ZFPM1: variants seen among roughly 807,000 people sequenced by gnomAD.
ZFPM1 encodes zinc finger protein, FOG family member 1.
A neutral mutation model predicts 46.3 loss-of-function variants in ZFPM1; 28 were observed. The ratio of observed to expected loss-of-function variants is 0.60; its 90% CI spans 0.45 to 0.83. The LOEUF is 0.83. Among genes scored for constraint, ZFPM1 ranks in the 40% least tolerant of loss-of-function variants. The pLI is 0.00. For synonymous variants in ZFPM1, 957 were observed against 675.9 expected (o/e 1.42, Z -6.45); for missense variants, 1,878 against 1,432.4 (o/e 1.31, Z -5.02).
At chr16:88,517,975 C>T (rs1161688651) in intron 4 of ZFPM1, among the ~76,000 whole-genome samples, 2 of 151,668 alleles carry the variant, frequency 1.3e-5, no homozygotes, top group East Asian at 3.9e-4. Flanking sequence ...CTTTGGGAGG[C>T]CGAGGTGGGC....
chr16:88,475,421 C>T (rs941384395), intron 1 of ZFPM1, among the ~76,000 whole-genome samples: 67 of 152,068 alleles, frequency 4.4e-4, no homozygotes, highest in African/African-American at 1.3e-3. Flanking sequence ...GAAACTGAGG[C>T]CAGCAAGGGG....
In ZFPM1 at chr16:88,490,845, G is replaced by A. The variant is rs912143459; in HGVS notation, c.268+1692G>A. Among the ~76,000 whole-genome samples, 4 of 152,152 alleles carry A rather than the reference G, an allele frequency of 2.6e-5. No homozygotes were observed. In the South Asian group the frequency reaches 6.2e-4, roughly 24 times the overall value. On this transcript the variant is annotated intron_variant, in intron 3 of 9. Transcript: ENST00000319555. The stretch of plus-strand genomic sequence containing the variant: ...CTGCTGTCCCCCAGGAAGGGGGACC[G>A]GGCATCCAGCACAGCAGATGATGTG...
chr16:88,483,512 C>A (rs998793518), intron 1 of ZFPM1, among the ~76,000 whole-genome samples: 1 of 151,114 alleles, frequency 6.6e-6, no homozygotes, highest in African/African-American at 2.4e-5. Flanking sequence ...TCACAACAAC[C>A]ACTGTTCCCT....
chr16:88,498,387 A>G (rs752942842), intron 3 of ZFPM1, among the ~76,000 whole-genome samples: 2 of 152,148 alleles, frequency 1.3e-5, no homozygotes, highest in Non-Finnish European at 2.9e-5. Context: ...CTGGACGTGT[A>G]TGGTGGAGGG....
intron 4 of ZFPM1, among the ~76,000 whole-genome samples, chr16:88,523,007 A>G (rs995212391): frequency 4.6e-5 from 7 of 152,148 alleles, no homozygotes; most frequent in African/African-American, 1.7e-4. Context: ...GCAGTTCAAG[A>G]CCAGTCTGCC....
At chr16:88,520,593 GGT>G (rs778701170) in intron 4 of ZFPM1, among the ~76,000 whole-genome samples, 11,948 of 102,084 alleles carry the variant, frequency 0.12, 818 homozygotes, top group East Asian at 0.3. Context: ...TGGATGGGAG[GGT>G]GAGTGGGTGG....
At chr16:88,530,560 G>A (rs571869627) in intron 6 of ZFPM1, 2 of 152,332 alleles carry the variant, frequency 1.3e-5, no homozygotes, top group South Asian at 2.1e-4. Context: ...TTGAGCCTCC[G>A]GCACTCTGGG....
Position 88,531,983 on chromosome 16 carries a change from C to A in ZFPM1, c.713-19C>A, listed in dbSNP as rs1376477820. ...CAGGCTGGCCTTCAGCCTGACCCCG[C>A]CTGCTTCCCACCCCACAGAAGACGT... is the stretch of plus-strand genomic sequence containing the variant. On this transcript the variant is annotated intron_variant, in intron 6 of 9. Transcript: ENST00000319555. 4.4e-6 allele frequency: 7 copies of A among 1,580,676 alleles called. No homozygotes were observed. Among genetic ancestry groups the A allele is most frequent in the African/African-American group, 1.3e-5 (1 of 74,270 alleles).
At chr16:88,499,105 G>A (rs1470222539) in intron 3 of ZFPM1, among the ~76,000 whole-genome samples, 2 of 152,042 alleles carry the variant, frequency 1.3e-5, no homozygotes, top group South Asian at 2.1e-4. Context: ...AACGGCCCCC[G>A]TGGCTCCCCC....
chr16:88,490,485 C>T (rs887970895), intron 3 of ZFPM1, among the ~76,000 whole-genome samples: 3 of 152,218 alleles, frequency 2.0e-5, no homozygotes, highest in African/African-American at 7.2e-5. Context: ...GTGAGGCGCT[C>T]GCCGTGCTGG....
Position 88,489,056 on chromosome 16 carries a change from G to T in ZFPM1, c.171G>T (p.Pro57=). ...ATGTTAACTCACCCCCACCGCTGCC[G>T]CCCCCCACATCCCCAGGAGGCCCCA... ...SADVNSPPPL[P]PPTSPGGPKE... is the part of the protein sequence containing the mutation. The change falls in exon 3 of 10, where the codon CCG becomes CCT. Residue 57 remains proline, a synonymous_variant. Coordinates refer to ENST00000319555, the MANE Select transcript of ZFPM1 (RefSeq NM_153813.3). 2 of 1,612,738 alleles carry T rather than the reference G, an allele frequency of 1.2e-6. No individual in the cohort carries two copies. Among genetic ancestry groups the T allele is most frequent in the Non-Finnish European group, 1.7e-6 (2 of 1,179,592 alleles).
chr16:88,479,695 A>AC (rs533841401), intron 1 of ZFPM1, among the ~76,000 whole-genome samples: 381 of 136,000 alleles, frequency 2.8e-3, no homozygotes, highest in South Asian at 0.016. Flanking sequence ...CAATGCTGTG[A>AC]CCCCCCCCCA....
At chr16:88,490,610 G>A (rs944763636) in intron 3 of ZFPM1, among the ~76,000 whole-genome samples, 70 of 152,320 alleles carry the variant, frequency 4.6e-4, no homozygotes, top group African/African-American at 1.6e-3. Context: ...GGGTCCATGT[G>A]CCCGCCGGTG....
At position 88,480,443 on chromosome 16, in the gene ZFPM1, C is replaced by T. The variant is rs947241186; in HGVS notation, c.41-5496C>T. Among the ~76,000 whole-genome samples the T allele has an allele frequency of 1.3e-5, 2 of 152,146 alleles. No individual in the cohort carries two copies. The highest frequency in any genetic ancestry group is 1.3e-4 in the Admixed American group (2 of 15,282). On this transcript the variant is annotated intron_variant, in intron 1 of 9. Transcript: ENST00000319555. This position sits in a 1 kb window ranked among gnomAD's most constrained non-coding sequence, Gnocchi z 4.9. Reference sequence around the variant, plus strand: ...CGGATGAAAGAGTGAAGGAAAGAGCCGTGGTGCTGGTGGGGGAGGAGCGGG... The same window carrying T: ...CGGATGAAAGAGTGAAGGAAAGAGCTGTGGTGCTGGTGGGGGAGGAGCGGG...
At chr16:88,466,179 G>A (rs1253152846) in intron 1 of ZFPM1, among the ~76,000 whole-genome samples, 1 of 152,190 alleles carries the variant, frequency 6.6e-6, no homozygotes, top group African/African-American at 2.4e-5. Context: ...CTGGGGCGGT[G>A]TGGATGGTGA....
intron 1 of ZFPM1, among the ~76,000 whole-genome samples, chr16:88,485,434 T>G (rs1294286499): frequency 1.4e-5 from 2 of 144,874 alleles, no homozygotes; most frequent in Non-Finnish European, 3.0e-5. Flanking sequence ...TCAAGAATCA[T>G]CAGGTCTTTT....
intron 1 of ZFPM1, among the ~76,000 whole-genome samples, chr16:88,483,512 C>G (rs998793518): frequency 6.0e-5 from 9 of 151,114 alleles, no homozygotes; most frequent in Admixed American, 2.0e-4. Context: ...TCACAACAAC[C>G]ACTGTTCCCT....
intron 4 of ZFPM1, among the ~76,000 whole-genome samples, chr16:88,521,085 A>G (rs958054599): frequency 1.9e-5 from 2 of 107,540 alleles, no homozygotes; most frequent in African/African-American, 2.8e-5. Flanking sequence ...ATGGATGATT[A>G]GGTGGGTGGG....
intron 6 of ZFPM1, among the ~76,000 whole-genome samples, chr16:88,528,925 A>G (rs1404908918): frequency 1.3e-5 from 2 of 152,194 alleles, no homozygotes; most frequent in African/African-American, 2.4e-5. Context: ...ACTGAAGTGG[A>G]CAGATGCCAC....
Sources: allele counts gnomAD v4.1 joint callset (sites outside exome capture counted in the v4.1 genomes callset), GRCh38; gene constraint gnomAD v4.1.1; non-coding constraint Gnocchi (gnomAD v3.1); transcripts MANE v1.5; gene names NCBI Gene and HGNC (gene_info 2026-07-23, HGNC 2026-07-21).